The following NPM1 variants were observed in gnomAD, a reference collection of about 807,000 sequenced individuals.
The protein encoded by NPM1 is nucleophosmin 1, also known as nucleophosmin.
In NPM1, 1 loss-of-function variant was observed where a neutral mutation model predicts 44.1. The observed-to-expected ratio is 0.02, with a 90% confidence interval of 0.01 to 0.11. NPM1 has a LOEUF of 0.11. NPM1 is among the 10% of genes least tolerant of loss of function. The pLI is 1.00. For synonymous variants in NPM1, 126 were observed against 111.8 expected, an observed-to-expected ratio of 1.13 and a Z score of -0.80; for missense variants, 197 against 347.8, an observed-to-expected ratio of 0.57 and a Z score of 3.45.
At chr5:171,407,664 C>G in intron 9 of NPM1, 36 bp from the exon 10 acceptor site, 1 of 1,202,354 alleles carries the variant, frequency 8.3e-7, no homozygotes, top group South Asian at 1.2e-5. Context: ...CGGTGTATTT[C>G]TCTACTTACC....
intron 7 of NPM1, 36 bp downstream of exon 7, chr5:171,400,246 A>G: frequency 6.2e-7 from 1 of 1,612,042 alleles, no homozygotes; most frequent in Admixed American, 1.7e-5. Context: ...TGTTAAACTA[A>G]CAATAGAAAT....
At chr5:171,405,426 A>T (rs1771510747) in intron 9 of NPM1, 23 bp downstream of exon 9, 1 of 1,084,576 alleles carries the variant, frequency 9.2e-7, no homozygotes, top group African/African-American at 1.6e-5. Flanking sequence ...ATCTTAAAAA[A>T]ACTTTGTCTC....
At chr5:171,390,023 T>C (rs1233861153) in intron 1 of NPM1, 28 bp from the exon 2 acceptor site, 4 of 1,377,078 alleles carry the variant, frequency 2.9e-6, no homozygotes, top group Non-Finnish European at 4.1e-6. Context: ...TTTCTCCTTG[T>C]TAGAGTTGCT....
At chr5:171,402,285 A>G (rs1164723028) in intron 8 of NPM1, among the ~76,000 whole-genome samples, 2 of 151,590 alleles carry the variant, frequency 1.3e-5, no homozygotes, top group South Asian at 2.1e-4. Context: ...AGAGAAATGC[A>G]AATCGAAACC....
At chr5:171,398,201 A>T (rs999336777) in intron 6 of NPM1, among the ~76,000 whole-genome samples, 1 of 152,180 alleles carries the variant, frequency 6.6e-6, no homozygotes, top group Admixed American at 6.6e-5. Flanking sequence ...GCCTTTGAAC[A>T]AGTTTTTAAT....
At chr5:171,406,887 C>T (rs899023818) in intron 9 of NPM1, 1 of 192,474 alleles carries the variant, frequency 5.2e-6, no homozygotes, top group Non-Finnish European at 1.0e-5. Flanking sequence ...ATAAAAGATA[C>T]TTAGAGGGAA....
intron 6 of NPM1, among the ~76,000 whole-genome samples, chr5:171,396,846 G>T (rs553116930): frequency 2.0e-5 from 3 of 152,140 alleles, no homozygotes; most frequent in Admixed American, 6.6e-5. Flanking sequence ...GATGGTGGGC[G>T]CTTGCAATCC....
At chr5:171,397,333 T>TGTA (rs1402533484) in intron 6 of NPM1, among the ~76,000 whole-genome samples, 2 of 152,234 alleles carry the variant, frequency 1.3e-5, no homozygotes, top group Non-Finnish European at 2.9e-5. Flanking sequence ...TATGAACGCT[T>TGTA]GTAGACATGT....
chr5:171,401,505 C>CGGCT (rs1435449860), intron 8 of NPM1, among the ~76,000 whole-genome samples: 3 of 152,114 alleles, frequency 2.0e-5, no homozygotes, highest in Admixed American at 6.5e-5. Context: ...TGCGTGATCT[C>CGGCT]GGCTTACTGC....
intron 8 of NPM1, among the ~76,000 whole-genome samples, chr5:171,404,379 C>G (rs1370091620): frequency 1.4e-5 from 1 of 73,790 alleles, no homozygotes; most frequent in Non-Finnish European, 2.7e-5. Context: ...ACTTCTCAGA[C>G]GGGGTGGTTG....
rs570189480 is a variant in NPM1 at position 171,392,274 on chromosome 5, A to G, written c.353-436A>G. The stretch of plus-strand genomic sequence containing the variant: ...ATTTTTTAATAAAGACAGTCTCATT[A>G]TAACGGCTGGAGTGCAGTGATGTGA... On this transcript the variant is annotated intron_variant, in intron 4 of 10. Transcript: ENST00000296930. 2.0e-5 allele frequency among the ~76,000 whole-genome samples: 3 copies of G among 152,332 alleles called. No homozygotes were observed. In the South Asian group the frequency reaches 6.2e-4, roughly 32 times the overall value.
At chr5:171,405,510 A>T in intron 9 of NPM1, 107 bp downstream of exon 9, 1 of 667,410 alleles carries the variant, frequency 1.5e-6, no homozygotes, top group South Asian at 1.7e-5. Context: ...TTGGTTTAAT[A>T]TACTTGCCTG....
At chr5:171,391,679 T>A (rs965606358) in intron 3 of NPM1, 27 bp from the exon 4 acceptor site, 9 of 1,419,832 alleles carry the variant, frequency 6.3e-6, no homozygotes, top group Non-Finnish European at 8.0e-6. Context: ...TTCACATGTT[T>A]AGTGATGAAA....
intron 6 of NPM1, among the ~76,000 whole-genome samples, chr5:171,399,176 T>G (rs1771064602): frequency 1.3e-5 from 2 of 152,208 alleles, no homozygotes; most frequent in Non-Finnish European, 2.9e-5. Flanking sequence ...ATAGCTGATT[T>G]TTTGAAATCA....
chr5:171,394,675 G>A (rs1298163432), intron 6 of NPM1, among the ~76,000 whole-genome samples: 1 of 152,162 alleles, frequency 6.6e-6, no homozygotes, highest in African/African-American at 2.4e-5. Flanking sequence ...ATGGGAAACA[G>A]GCTAAAAACA....
intron 1 of NPM1, among the ~76,000 whole-genome samples, chr5:171,388,415 A>G (rs1770383437): frequency 6.6e-6 from 1 of 152,198 alleles, no homozygotes; most frequent in Non-Finnish European, 1.5e-5. Context: ...TTCACCGGGA[A>G]GCATGGGCCT....
chr5:171,390,313 C>A (rs1040656475), intron 2 of NPM1, 183 bp downstream of exon 2: 4 of 454,970 alleles, frequency 8.8e-6, no homozygotes, highest in African/African-American at 2.1e-5. Flanking sequence ...CTATACCACT[C>A]ATTTGGTAAC....
intron 6 of NPM1, among the ~76,000 whole-genome samples, chr5:171,399,892 A>G (rs1771103236): frequency 6.6e-6 from 1 of 152,188 alleles, no homozygotes; most frequent in African/African-American, 2.4e-5. Context: ...ATAGAATCAT[A>G]CAGTGTTTGT....
At chr5:171,405,480 T>G (rs1025375025) in intron 9 of NPM1, 77 bp downstream of exon 9, 8 of 709,806 alleles carry the variant, frequency 1.1e-5, no homozygotes, top group African/African-American at 1.8e-5. Flanking sequence ...ACTTGAATGT[T>G]TCTTGTTTTT....
Sources: allele counts gnomAD v4.1 joint callset (sites outside exome capture counted in the v4.1 genomes callset), GRCh38; gene constraint gnomAD v4.1.1; transcripts MANE v1.5; gene names NCBI Gene and HGNC (gene_info 2026-07-23, HGNC 2026-07-21).